TENM2: variants seen among roughly 807,000 people sequenced by gnomAD.
The protein encoded by TENM2 is teneurin-2.
TENM2 carries 52 observed loss-of-function variants against 245.2 expected under a neutral mutation model. The observed-to-expected ratio is 0.21, with a 90% CI of 0.17 to 0.27. The LOEUF (loss-of-function observed/expected upper bound fraction) is 0.27. Among genes scored for constraint, TENM2 ranks in the 10% least tolerant of loss-of-function variants. TENM2 has a pLI of 1.00. For missense variants in TENM2, 3,046 were observed against 3,666.8 expected (o/e 0.83, Z 4.37); for synonymous variants, 1,363 against 1,438.9 (o/e 0.95, Z 1.19).
At chr5:167,194,973 A>G in the TENM2 span, among the ~76,000 whole-genome samples, 2 of 151,992 alleles carry the variant, frequency 1.3e-5, no homozygotes, top group Admixed American at 1.3e-4. Context: ...CTATATCCCC[A>G]TCACTTACTT....
chr5:167,174,934 T>C, the TENM2 span, among the ~76,000 whole-genome samples: 1 of 152,118 alleles, frequency 6.6e-6, no homozygotes, highest in Non-Finnish European at 1.5e-5. Context: ...TTTCTTTCTG[T>C]GTCTGGCTAA....
At chr5:167,353,560 T>A (rs1004739701) in intron 1 of TENM2, among the ~76,000 whole-genome samples, 1 of 120,500 alleles carries the variant, frequency 8.3e-6, no homozygotes, top group Non-Finnish European at 1.6e-5. Flanking sequence ...CAGGCTGGAG[T>A]GCAGTGGCGG....
chr5:167,304,662 T>G (rs561895475), intron 1 of TENM2, among the ~76,000 whole-genome samples: 1 of 152,306 alleles, frequency 6.6e-6, no homozygotes, highest in African/African-American at 2.4e-5. Context: ...TTGTTTGTTT[T>G]TTTTAAAGAA....
At chr5:168,228,972 A>G (rs1384648507) in intron 25 of TENM2, among the ~76,000 whole-genome samples, 2 of 147,902 alleles carry the variant, frequency 1.4e-5, no homozygotes, top group Non-Finnish European at 3.0e-5. Context: ...CATAATATAC[A>G]TATACGTATA....
At chr5:167,119,401 C>T in the TENM2 span, 1 of 152,072 alleles carries the variant, frequency 6.6e-6, no homozygotes, top group South Asian at 2.1e-4. Flanking sequence ...CGCATTTAGT[C>T]CATTTTGTGC....
rs189028458 is a variant in TENM2, at chr5:168,152,846, A to G, written c.2423-9765A>G. Among the ~76,000 whole-genome samples the G allele has an allele frequency of 4.5e-4, 69 of 152,240 alleles. 1 individual carries two copies. In the East Asian group the frequency reaches 0.012, roughly 26 times the overall value. ...CTTACAAGTTGAAAGGCACAAACCC[A>G]CATCCGCATTCATACACAGCCCCTG... On this transcript the variant is annotated intron_variant, in intron 12 of 28. Coordinates refer to ENST00000518659, the Ensembl canonical transcript of TENM2.
At chr5:167,147,213 A>C in the TENM2 span, among the ~76,000 whole-genome samples, 1 of 152,212 alleles carries the variant, frequency 6.6e-6, no homozygotes, top group Non-Finnish European at 1.5e-5. Context: ...TTGTATTTAA[A>C]TATGCTAATC....
chr5:167,897,100 C>A (rs1775285016), intron 3 of TENM2, among the ~76,000 whole-genome samples: 1 of 152,160 alleles, frequency 6.6e-6, no homozygotes, highest in Non-Finnish European at 1.5e-5. Context: ...AGGCAGAAGC[C>A]CTGTTCCATT....
chr5:168,165,473 G>A (rs563084838), intron 13 of TENM2, among the ~76,000 whole-genome samples: 1 of 152,108 alleles, frequency 6.6e-6, no homozygotes, highest in South Asian at 2.1e-4. Context: ...AACTCTGGGG[G>A]ACTGTCTCCC....
intron 4 of TENM2, among the ~76,000 whole-genome samples, chr5:167,957,491 T>C (rs1342716256): frequency 1.3e-5 from 2 of 152,232 alleles, no homozygotes; most frequent in African/African-American, 4.8e-5. Context: ...TGCTCTGATC[T>C]TCGTTATTTC....
chr5:167,485,558 G>A (rs953921263), intron 2 of TENM2, among the ~76,000 whole-genome samples: 4 of 152,128 alleles, frequency 2.6e-5, no homozygotes, highest in Admixed American at 2.0e-4. Context: ...TGTGTCATGA[G>A]TATGGAATTT....
the TENM2 span, among the ~76,000 whole-genome samples, chr5:167,219,237 C>T: frequency 9.8e-4 from 150 of 152,296 alleles, no homozygotes; most frequent in African/African-American, 3.5e-3. Flanking sequence ...GAGTCCCAGG[C>T]TGCAGTGAGC....
At chr5:167,011,185 G>A in the TENM2 span, among the ~76,000 whole-genome samples, 15 of 152,196 alleles carry the variant, frequency 9.9e-5, no homozygotes, top group African/African-American at 3.6e-4. Flanking sequence ...ACTTCCTCTG[G>A]TTTTCTTGTA....
chr5:168,263,397 T>TA (rs1768386507), downstream of TENM2: 1 of 152,376 alleles, frequency 6.6e-6, no homozygotes, highest in South Asian at 2.1e-4. Context: ...CAGGTGCATT[T>TA]AAAACACGAC....
chr5:168,103,748 A>G (rs749070532), intron 9 of TENM2, among the ~76,000 whole-genome samples: 5 of 152,170 alleles, frequency 3.3e-5, no homozygotes, highest in African/African-American at 7.2e-5. Flanking sequence ...CCCCTCACAC[A>G]TAAGGCAGAG....
In TENM2 at chr5:167,954,883, T is replaced by A. The variant is rs552962236; in HGVS notation, c.947+2061T>A. Reference sequence around the variant, plus strand: ...AGTCTATCATGGATGGGCATTTGGGTTGGTTCCAAGTCTCTGCTATTGTGA... The same window carrying A: ...AGTCTATCATGGATGGGCATTTGGGATGGTTCCAAGTCTCTGCTATTGTGA... On this transcript the variant is annotated intron_variant, in intron 4 of 28. Coordinates refer to ENST00000518659, the Ensembl canonical transcript of TENM2. Among the ~76,000 whole-genome samples the A allele has an allele frequency of 2.0e-5, 3 of 152,380 alleles. No individual in the cohort carries two copies. In the South Asian group the frequency reaches 6.2e-4, roughly 32 times the overall value.
chr5:167,324,749 A>G (rs1426965143), intron 1 of TENM2, among the ~76,000 whole-genome samples: 2 of 152,190 alleles, frequency 1.3e-5, no homozygotes, highest in Non-Finnish European at 2.9e-5. Flanking sequence ...ATGCCTTACA[A>G]TATTACTAAT....
the TENM2 span, among the ~76,000 whole-genome samples, chr5:167,143,793 C>G: frequency 1.3e-4 from 20 of 152,288 alleles, no homozygotes; most frequent in African/African-American, 3.6e-4. Context: ...GACCACTGCG[C>G]TTTTAAAAGA....
chr5:167,249,372 A>G, the TENM2 span, among the ~76,000 whole-genome samples: 1 of 152,154 alleles, frequency 6.6e-6, no homozygotes, highest in African/African-American at 2.4e-5. Context: ...GCTAATGAAC[A>G]TTGCTGACAT....
Sources: allele counts gnomAD v4.1 joint callset (sites outside exome capture counted in the v4.1 genomes callset), GRCh38; gene constraint gnomAD v4.1.1; transcripts MANE v1.5; gene names NCBI Gene and HGNC (gene_info 2026-07-23, HGNC 2026-07-21).